Variants in RORA observed in about 807,000 individuals in gnomAD.
RORA encodes nuclear receptor ROR-alpha.
In RORA, 7 loss-of-function variants were observed where a neutral mutation model predicts 69.5. The observed-to-expected ratio is 0.10, with a 90% CI of 0.06 to 0.19. The LOEUF is 0.19. Ranked by LOEUF, RORA falls within the 10% of genes least tolerant of loss-of-function variation. The pLI is 1.00. For missense variants in RORA, 457 were observed against 663.0 expected, an observed-to-expected ratio of 0.69 and a Z score of 3.41; for synonymous variants, 261 against 240.8, an observed-to-expected ratio of 1.08 and a Z score of -0.78.
chr15:61,202,454 G>A (rs1271170150), intron 1 of RORA, among the ~76,000 whole-genome samples: 1 of 152,096 alleles, frequency 6.6e-6, no homozygotes, highest in African/African-American at 2.4e-5. Context: ...ACTTAGAGTG[G>A]AACACAGAGG....
intron 2 of RORA, among the ~76,000 whole-genome samples, chr15:60,596,904 A>G (rs146944004): frequency 1.3e-5 from 2 of 152,302 alleles, no homozygotes; most frequent in African/African-American, 4.8e-5. Context: ...ACACACATAC[A>G]CATATTTCTC....
chr15:60,968,037 C>A (rs545023037), intron 1 of RORA, among the ~76,000 whole-genome samples: 2 of 152,202 alleles, frequency 1.3e-5, no homozygotes, highest in African/African-American at 4.8e-5. Flanking sequence ...CTGAACATCA[C>A]GGCCAGTCCC....
intron 2 of RORA, among the ~76,000 whole-genome samples, chr15:60,545,865 G>A (rs546342229): frequency 7.2e-5 from 11 of 152,270 alleles, no homozygotes; most frequent in Admixed American, 6.5e-5. Flanking sequence ...TGGGGCAGGC[G>A]AGATCTCAGG....
intron 1 of RORA, among the ~76,000 whole-genome samples, chr15:61,224,103 G>C (rs2080124459): frequency 6.6e-6 from 1 of 151,938 alleles, no homozygotes; most frequent in Non-Finnish European, 1.5e-5. Flanking sequence ...TTCATATTCA[G>C]AAAAGTATTC....
At chr15:61,214,714 TAA>T (rs577951174) in intron 1 of RORA, among the ~76,000 whole-genome samples, 285 of 152,210 alleles carry the variant, frequency 1.9e-3, no homozygotes, top group African/African-American at 6.3e-3. Flanking sequence ...ATGGACCAGG[TAA>T]AAGTTTTCAG....
intron 1 of RORA, among the ~76,000 whole-genome samples, chr15:60,947,681 T>A (rs2140330464): frequency 8.6e-5 from 4 of 46,556 alleles, no homozygotes; most frequent in South Asian, 9.5e-4. Flanking sequence ...CACCCAAGAA[T>A]GATCAATAAA....
chr15:60,946,862 G>A (rs924092170), intron 1 of RORA, among the ~76,000 whole-genome samples: 26 of 151,246 alleles, frequency 1.7e-4, no homozygotes, highest in African/African-American at 6.3e-4. Flanking sequence ...GAGATGTGGG[G>A]AGCGCCTCTG....
chr15:60,974,158 C>T (rs971806042), intron 1 of RORA, among the ~76,000 whole-genome samples: 1 of 152,182 alleles, frequency 6.6e-6, no homozygotes, highest in Non-Finnish European at 1.5e-5. Context: ...CCCACCCTGG[C>T]CCCCGTGGAA....
chr15:61,141,814 A>G (rs117608559), intron 1 of RORA, among the ~76,000 whole-genome samples: 1 of 152,324 alleles, frequency 6.6e-6, no homozygotes, highest in East Asian at 1.9e-4. Flanking sequence ...AAACAGGTCG[A>G]CTGCAGGAGG....
At chr15:60,719,454 A>T (rs1413877122) in intron 1 of RORA, among the ~76,000 whole-genome samples, 1 of 152,212 alleles carries the variant, frequency 6.6e-6, no homozygotes, top group African/African-American at 2.4e-5. Context: ...AAGATTAAAA[A>T]TCCAAAACCA....
intron 1 of RORA, among the ~76,000 whole-genome samples, chr15:61,022,966 C>A (rs1426416629): frequency 6.6e-6 from 1 of 152,058 alleles, no homozygotes; most frequent in African/African-American, 2.4e-5. Context: ...GGGCAGATCA[C>A]TTGCGGTCAA....
intron 1 of RORA, among the ~76,000 whole-genome samples, chr15:60,870,637 A>G (rs1303312583): frequency 6.6e-6 from 1 of 152,240 alleles, no homozygotes; most frequent in Non-Finnish European, 1.5e-5. Context: ...GTGACGCTCA[A>G]ACACTTTTGC....
At chr15:61,073,258 G>C (rs947533710) in intron 1 of RORA, among the ~76,000 whole-genome samples, 2 of 152,176 alleles carry the variant, frequency 1.3e-5, no homozygotes, top group Non-Finnish European at 2.9e-5. Context: ...CAAGGTAGAG[G>C]GCAGGGCGCA....
At chr15:61,120,700 CAAA>C (rs527369711) in intron 1 of RORA, among the ~76,000 whole-genome samples, 4 of 54,372 alleles carry the variant, frequency 7.4e-5, no homozygotes, top group Admixed American at 2.0e-4. Flanking sequence ...GACTCTGTCT[CAAA>C]AAAAAAAAAA....
chr15:60,804,275 C>A (rs1455965924), intron 1 of RORA, among the ~76,000 whole-genome samples: 2 of 97,934 alleles, frequency 2.0e-5, no homozygotes, highest in African/African-American at 8.3e-5. Flanking sequence ...GCAACAAGAG[C>A]AAACTCCATC....
intron 2 of RORA, among the ~76,000 whole-genome samples, chr15:60,625,852 G>A (rs8035348): frequency 2.0e-5 from 3 of 152,284 alleles, no homozygotes; most frequent in South Asian, 2.1e-4. Context: ...ACATCCTTTC[G>A]TACCTTTTGA....
chr15:61,216,078 T>C (rs1397067175), intron 1 of RORA, among the ~76,000 whole-genome samples: 1 of 152,220 alleles, frequency 6.6e-6, no homozygotes, highest in East Asian at 1.9e-4. Flanking sequence ...ATTCCATACT[T>C]GCTTCACTAT....
At chr15:61,064,295 G>T (rs571406049) in intron 1 of RORA, among the ~76,000 whole-genome samples, 2 of 152,262 alleles carry the variant, frequency 1.3e-5, no homozygotes, top group Admixed American at 1.3e-4. Flanking sequence ...ATCCGCGAAG[G>T]TTGTCCAGGT....
intron 1 of RORA, among the ~76,000 whole-genome samples, chr15:60,948,632 G>C (rs1329288769): frequency 6.6e-6 from 1 of 152,074 alleles, no homozygotes; most frequent in Non-Finnish European, 1.5e-5. Flanking sequence ...CTATTTTAAA[G>C]ATGAAAAAAC....
Sources: gnomAD v4.1 joint callset for allele counts (sites outside exome capture counted in the v4.1 genomes callset) on GRCh38, gnomAD v4.1.1 for gene constraint, MANE v1.5 for transcripts, NCBI Gene and HGNC (gene_info 2026-07-23, HGNC 2026-07-21) for gene names.